The following TLK1 variants were observed in gnomAD, a reference collection of about 807,000 sequenced individuals.
The protein encoded by TLK1 is serine/threonine-protein kinase tousled-like 1.
In TLK1, 24 loss-of-function variants were observed where a neutral mutation model predicts 105.3. The observed-to-expected ratio is 0.23, with a 90% CI of 0.17 to 0.32. TLK1 has a LOEUF of 0.32. Ranked by LOEUF, TLK1 falls within the 10% of genes least tolerant of loss-of-function variation. The pLI, the probability that TLK1 is intolerant of heterozygous loss-of-function variation, is 1.00. For missense variants in TLK1, 558 were observed against 910.5 expected, an observed-to-expected ratio of 0.61 and a Z score of 4.98; for synonymous variants, 321 against 310.4, an observed-to-expected ratio of 1.03 and a Z score of -0.36.
At position 171,058,045 on chromosome 2, in the gene TLK1, T is replaced by G. The variant is rs995542808; in HGVS notation, c.453+106A>C. 8 of 1,120,592 alleles carry G rather than the reference T, an allele frequency of 7.1e-6. No homozygotes were observed. In the African/African-American group the frequency reaches 1.1e-4, roughly 15 times the overall value. The allele number at this position is 1,120,592 out of a possible 1,614,324, so 69.4% of individuals were successfully genotyped here. A position where few individuals can be genotyped will look rare whatever the true frequency, so the allele number is the denominator to read the frequency against. On this transcript the variant is annotated intron_variant, in intron 5 of 20. Coordinates refer to ENST00000431350, the MANE Select transcript of TLK1 (RefSeq NM_012290.5). ...ACATAGTAATAAAGCTCTGCTCTAA[T>G]CAAGTAAGTAATCAAAAGCTGACCT...
intron 1 of TLK1, among the ~76,000 whole-genome samples, chr2:171,209,005 T>C (rs1693559629): frequency 6.6e-6 from 1 of 152,226 alleles, no homozygotes; most frequent in Admixed American, 6.5e-5. Context: ...ACTGGTTAAG[T>C]AAACCATGGT....
chr2:171,156,806 G>A (rs1301839132), intron 1 of TLK1, among the ~76,000 whole-genome samples: 1 of 152,026 alleles, frequency 6.6e-6, no homozygotes, highest in Admixed American at 6.6e-5. Flanking sequence ...TGGAAACAGA[G>A]GAAGTTTACA....
At chr2:170,994,653 A>C in intron 20 of TLK1, 1 of 515,054 alleles carries the variant, frequency 1.9e-6, no homozygotes, top group Admixed American at 2.0e-5. Context: ...GATCAAGAAA[A>C]AGAACCTCTG....
chr2:171,021,453 T>A (rs1250764072), intron 12 of TLK1, among the ~76,000 whole-genome samples: 1 of 14,134 alleles, frequency 7.1e-5, no homozygotes, highest in Non-Finnish European at 1.7e-4. Flanking sequence ...TTTTTTTTTT[T>A]TTTTTTTTTT....
At chr2:171,079,706 G>A (rs1461282718) in intron 3 of TLK1, among the ~76,000 whole-genome samples, 7 of 151,998 alleles carry the variant, frequency 4.6e-5, no homozygotes, top group South Asian at 2.1e-4. Context: ...AAAATAAACC[G>A]CATACAAACT....
intron 4 of TLK1, among the ~76,000 whole-genome samples, chr2:171,059,576 G>C (rs1231435261): frequency 6.6e-6 from 1 of 151,966 alleles, no homozygotes; most frequent in Non-Finnish European, 1.5e-5. Flanking sequence ...CAGATGGCCT[G>C]ATTTTTTTTA....
intron 1 of TLK1, among the ~76,000 whole-genome samples, chr2:171,204,697 G>A (rs754084658): frequency 6.6e-6 from 1 of 152,150 alleles, no homozygotes; most frequent in East Asian, 1.9e-4. Flanking sequence ...GGTGGTTCAC[G>A]CCTGTAATCC....
At chr2:171,112,996 G>T (rs1450517978) in intron 2 of TLK1, among the ~76,000 whole-genome samples, 1 of 151,410 alleles carries the variant, frequency 6.6e-6, no homozygotes, top group Non-Finnish European at 1.5e-5. Flanking sequence ...TAAGGAAAAA[G>T]ACACAAAAAA....
At chr2:171,157,591 G>C (rs1462561688) in intron 1 of TLK1, among the ~76,000 whole-genome samples, 3 of 152,060 alleles carry the variant, frequency 2.0e-5, no homozygotes, top group Non-Finnish European at 4.4e-5. Flanking sequence ...TTTTATTTGT[G>C]ATAAAACTAT....
intron 12 of TLK1, among the ~76,000 whole-genome samples, chr2:171,019,237 T>C (rs939852242): frequency 2.2e-4 from 34 of 152,188 alleles, no homozygotes. Context: ...TATGGCAACA[T>C]AATATTCCTT....
At chr2:171,217,317 C>T (rs1693733552) in intron 1 of TLK1, among the ~76,000 whole-genome samples, 1 of 152,172 alleles carries the variant, frequency 6.6e-6, no homozygotes, top group Non-Finnish European at 1.5e-5. Flanking sequence ...ACAGTAGATA[C>T]CATTCTCCCT....
chr2:171,155,492 T>C (rs1477613890), intron 1 of TLK1: 2 of 152,200 alleles, frequency 1.3e-5, no homozygotes, highest in East Asian at 1.9e-4. Context: ...AGTAGTTTCA[T>C]ACTACTGACT....
chr2:170,998,102 CT>C (rs1306748537), intron 18 of TLK1, among the ~76,000 whole-genome samples: 15 of 148,404 alleles, frequency 1.0e-4, no homozygotes, highest in East Asian at 4.0e-4. Context: ...ACCTACCTAC[CT>C]ACCTACCACC....
In TLK1 at chr2:171,039,181, C is replaced by G. The variant is rs962503307; in HGVS notation, c.1169+6993G>C. Among the ~76,000 whole-genome samples the G allele has an allele frequency of 3.3e-5, 5 of 151,796 alleles. No individual in the cohort carries two copies. The East Asian group carries it at 9.7e-4, about 29-fold the overall frequency. On this transcript the variant is annotated intron_variant, in intron 11 of 20. Coordinates refer to ENST00000431350, the MANE Select transcript of TLK1 (RefSeq NM_012290.5). Reference sequence around the variant, plus strand: ...CTGTTATTTCAATATGTCTTTTTTCCCTCTGGCTGCTTAAGAATTTTTTTC... The same window carrying G: ...CTGTTATTTCAATATGTCTTTTTTCGCTCTGGCTGCTTAAGAATTTTTTTC...
At chr2:171,164,696 A>G (rs962724705), upstream of TLK1, among the ~76,000 whole-genome samples, 1 of 152,246 alleles carries the variant, frequency 6.6e-6, no homozygotes, top group African/African-American at 2.4e-5. Flanking sequence ...GCCTCTGGAC[A>G]TAAGTTGTGC....
At chr2:171,139,508 C>T (rs893977926) in intron 1 of TLK1, among the ~76,000 whole-genome samples, 1 of 151,986 alleles carries the variant, frequency 6.6e-6, no homozygotes, top group Non-Finnish European at 1.5e-5. Context: ...GCAGGAGAAT[C>T]GCTTGAATCT....
At chr2:171,182,935 A>AAAAG (rs750018547) in intron 1 of TLK1, among the ~76,000 whole-genome samples, 5,241 of 128,732 alleles carry the variant, frequency 0.041, 253 homozygotes, top group East Asian at 0.22. Flanking sequence ...AAAAAAAAAA[A>AAAAG]AAAGAAAGAA....
At chr2:171,151,620 G>A (rs1046518406) in intron 1 of TLK1, among the ~76,000 whole-genome samples, 16 of 151,480 alleles carry the variant, frequency 1.1e-4, no homozygotes, top group African/African-American at 3.6e-4. Flanking sequence ...GACTACAGGC[G>A]CCCACCACCA....
At chr2:171,156,081 TAAAAAAC>T (rs1185619882) in intron 1 of TLK1, among the ~76,000 whole-genome samples, 13 of 152,074 alleles carry the variant, frequency 8.5e-5, no homozygotes, top group South Asian at 2.1e-4. Flanking sequence ...GTCAGTAACT[TAAAAAAC>T]AAAAAACAAA....
Sources: allele counts gnomAD v4.1 joint callset (sites outside exome capture counted in the v4.1 genomes callset), GRCh38; gene constraint gnomAD v4.1.1; transcripts MANE v1.5; gene names NCBI Gene and HGNC (gene_info 2026-07-23, HGNC 2026-07-21).